The following UTRN variants were observed in gnomAD, a reference collection of about 807,000 sequenced individuals.
UTRN encodes the protein utrophin.
In UTRN, 283 loss-of-function variants were observed where a neutral mutation model predicts 463.9. That is an observed-to-expected ratio of 0.61 (90% CI 0.55 to 0.67). The LOEUF is 0.67. Ranked by LOEUF, UTRN falls within the 30% of genes least tolerant of loss-of-function variation. The probability of loss-of-function intolerance (pLI) is 0.00; values close to 1 mark genes in which losing one functional copy is unlikely to be tolerated. For missense variants in UTRN, 3,922 were observed against 4,084.3 expected (o/e 0.96, Z 1.08); for synonymous variants, 1,442 against 1,431.5 (o/e 1.01, Z -0.17).
chr6:144,670,069 A>G (rs1222783971), intron 51 of UTRN, among the ~76,000 whole-genome samples: 3 of 152,044 alleles, frequency 2.0e-5, no homozygotes, highest in Non-Finnish European at 2.9e-5. Context: ...TTGCAATTGC[A>G]AATGGTGCTG....
At chr6:144,385,748 G>A (rs1180579245) in intron 2 of UTRN, among the ~76,000 whole-genome samples, 3 of 147,610 alleles carry the variant, frequency 2.0e-5, no homozygotes, top group East Asian at 2.0e-4. Context: ...TTGCTCTTTC[G>A]CTCAGGCTTG....
chr6:144,757,029 A>G (rs75576830), intron 57 of UTRN, among the ~76,000 whole-genome samples: 2,331 of 152,158 alleles, frequency 0.015, 56 homozygotes, highest in African/African-American at 0.051. Flanking sequence ...GAAAAAAAGT[A>G]TTGGTGACAA....
At chr6:144,480,121 A>G (rs369497748) in intron 26 of UTRN, 139 bp downstream of exon 26, 1 of 1,076,920 alleles carries the variant, frequency 9.3e-7, no homozygotes, top group Non-Finnish European at 1.3e-6. Context: ...TTAAAAAAAC[A>G]TAACAGGGTA....
At chr6:144,722,321 T>C (rs568968621) in intron 53 of UTRN, among the ~76,000 whole-genome samples, 1 of 119,428 alleles carries the variant, frequency 8.4e-6, no homozygotes, top group East Asian at 7.9e-4. Flanking sequence ...TTCCCTCCGG[T>C]TTTTTTTTTT....
chr6:144,369,595 AC>A (rs1779806157), intron 2 of UTRN, among the ~76,000 whole-genome samples: 1 of 152,226 alleles, frequency 6.6e-6, no homozygotes, highest in African/African-American at 2.4e-5. Context: ...CAGCCTGGCA[AC>A]AGAGCGAGAC....
chr6:144,429,060 T>C (rs755993888), intron 8 of UTRN, among the ~76,000 whole-genome samples, 167 bp downstream of exon 8: 18 of 152,228 alleles, frequency 1.2e-4, no homozygotes, highest in Non-Finnish European at 2.4e-4. Flanking sequence ...ATTAATACTT[T>C]TGTACTTAGC....
chr6:144,822,595 T>C (rs776090276), intron 66 of UTRN, among the ~76,000 whole-genome samples: 4 of 152,160 alleles, frequency 2.6e-5, no homozygotes, highest in Non-Finnish European at 4.4e-5. Flanking sequence ...GCAATTTCAA[T>C]TGAAAGAGAG....
intron 1 of UTRN, among the ~76,000 whole-genome samples, chr6:144,288,945 G>A (rs1447754280): frequency 6.6e-6 from 1 of 151,932 alleles, no homozygotes; most frequent in Non-Finnish European, 1.5e-5. Flanking sequence ...TATATTTTTA[G>A]TAGAGACAGG....
At chr6:144,287,849 A>T (rs1432865855) in intron 1 of UTRN, among the ~76,000 whole-genome samples, 1 of 152,224 alleles carries the variant, frequency 6.6e-6, no homozygotes, top group Non-Finnish European at 1.5e-5. Flanking sequence ...TCTAGGGCAG[A>T]GGTAACAATA....
intron 46 of UTRN, among the ~76,000 whole-genome samples, chr6:144,543,537 C>CT (rs1435285193): frequency 6.6e-6 from 1 of 152,158 alleles, no homozygotes; most frequent in Admixed American, 6.5e-5. Context: ...GTGACCAACT[C>CT]TAACTGTCCA....
intron 50 of UTRN, among the ~76,000 whole-genome samples, chr6:144,559,205 C>A (rs903565357): frequency 3.3e-5 from 5 of 151,762 alleles, no homozygotes; most frequent in Admixed American, 1.3e-4. Context: ...AATTATATTG[C>A]AAGGTGATTT....
intron 58 of UTRN, among the ~76,000 whole-genome samples, chr6:144,765,835 A>G (rs943901697): frequency 2.0e-5 from 3 of 152,264 alleles, no homozygotes; most frequent in Non-Finnish European, 2.9e-5. Context: ...AAACTTTTGC[A>G]GTACCTATTA....
At chr6:144,394,289 G>A (rs899710332) in intron 2 of UTRN, among the ~76,000 whole-genome samples, 1 of 152,088 alleles carries the variant, frequency 6.6e-6, no homozygotes, top group Non-Finnish European at 1.5e-5. Flanking sequence ...GAGGTATAAC[G>A]GACTCATAGT....
chr6:144,522,263 C>A, intron 40 of UTRN, 92 bp downstream of exon 40: 2 of 1,045,372 alleles, frequency 1.9e-6, no homozygotes, highest in African/African-American at 1.7e-5. Flanking sequence ...TGGTCTATAT[C>A]TTTTACAATT....
At chr6:144,575,741 T>A (rs1371501628) in intron 50 of UTRN, among the ~76,000 whole-genome samples, 1 of 152,144 alleles carries the variant, frequency 6.6e-6, no homozygotes, top group Non-Finnish European at 1.5e-5. Context: ...GTTTCAGACA[T>A]TCACTGGGGA....
At chr6:144,352,547 A>T (rs987949891) in intron 2 of UTRN, among the ~76,000 whole-genome samples, 1 of 152,098 alleles carries the variant, frequency 6.6e-6, no homozygotes, top group Non-Finnish European at 1.5e-5. Flanking sequence ...CCTCCCTCCT[A>T]TGCATTTCTC....
chr6:144,398,121 G>C (rs551686201), intron 2 of UTRN: 7 of 247,602 alleles, frequency 2.8e-5, no homozygotes, highest in African/African-American at 1.4e-4. Context: ...TAGATGGTTT[G>C]CCTGTGTCAT....
Position 144,347,837 on chromosome 6 carries a change from G to GTTTTTTTT in UTRN, c.80-55281_80-55274dup, listed in dbSNP as rs560581181. Among the ~76,000 whole-genome samples, 81 of 128,900 alleles carry GTTTTTTTT rather than the reference G, an allele frequency of 6.3e-4. 10 individuals are homozygous for GTTTTTTTT. The highest frequency in any genetic ancestry group is 2.5e-3 in the African/African-American group (74 of 29,468). The allele number at this position is 128,900 out of a possible 152,430, so 84.6% of individuals were successfully genotyped here. On this transcript the variant is annotated intron_variant, in intron 2 of 74. Transcript: ENST00000367545. ...TCTCCTGAACTGTGGCTTATTCTTTGTTTTTTTTTTTTGTTTTTTTTTTTG... is the reference window on the plus strand; with the variant it reads ...TCTCCTGAACTGTGGCTTATTCTTTGTTTTTTTTTTTTTTTTTTTTGTTTTTTTTTTTG...
At chr6:144,577,940 C>T (rs1193864123) in intron 51 of UTRN, among the ~76,000 whole-genome samples, 4 of 152,250 alleles carry the variant, frequency 2.6e-5, no homozygotes, top group South Asian at 4.2e-4. Context: ...TGGTGCCTCA[C>T]GCCTGTAATC....
Sources: gnomAD v4.1 joint callset for allele counts (sites outside exome capture counted in the v4.1 genomes callset) on GRCh38, gnomAD v4.1.1 for gene constraint, MANE v1.5 for transcripts, NCBI Gene and HGNC (gene_info 2026-07-23, HGNC 2026-07-21) for gene names.